Variants in CSTF3 observed in about 807,000 individuals in gnomAD.
The protein encoded by CSTF3 is CF-1 77 kDa subunit.
In CSTF3, 29 loss-of-function variants were observed where a neutral mutation model predicts 105.8. That is an observed-to-expected ratio of 0.27 (90% CI 0.20 to 0.37). The LOEUF (loss-of-function observed/expected upper bound fraction) is 0.37. CSTF3 is among the 10% of genes least tolerant of loss of function. CSTF3 has a pLI of 1.00. For synonymous variants in CSTF3, 252 were observed against 281.9 expected (o/e 0.89, Z 1.06); for missense variants, 357 against 879.3 (o/e 0.41, Z 7.51).
chr11:33,146,224 T>G (rs1468656804), intron 1 of CSTF3, among the ~76,000 whole-genome samples: 1 of 150,450 alleles, frequency 6.6e-6, no homozygotes. Flanking sequence ...GCCTGGGTAA[T>G]AGAGCAAGAC....
intron 1 of CSTF3, among the ~76,000 whole-genome samples, chr11:33,155,573 C>T (rs1251438033): frequency 6.6e-6 from 1 of 152,084 alleles, no homozygotes; most frequent in Non-Finnish European, 1.5e-5. Flanking sequence ...AGATTTAATA[C>T]ACTAAATAAA....
At chr11:33,106,196 G>C (rs1855324015) in intron 5 of CSTF3, 132 bp from the exon 6 acceptor site, 1 of 639,714 alleles carries the variant, frequency 1.6e-6, no homozygotes, top group Non-Finnish European at 2.7e-6. Context: ...GATCACTTGA[G>C]ACCAGGAATT....
rs181158092 is a variant in CSTF3, at chr11:33,111,285, G to A, written c.226-2867C>T. Among the ~76,000 whole-genome samples, 132 of 152,290 alleles carry A rather than the reference G, an allele frequency of 8.7e-4. 1 individual carries two copies. The highest frequency in any genetic ancestry group is 4.6e-3 in the South Asian group (22 of 4,824). ...AGGTAATTGTACAAGATTACTTACTGTAAACTTTGTAGTAGCAAAAACAGT... is the reference window on the plus strand; with the variant it reads ...AGGTAATTGTACAAGATTACTTACTATAAACTTTGTAGTAGCAAAAACAGT... On this transcript the variant is annotated intron_variant, in intron 3 of 20. Coordinates refer to ENST00000323959, the MANE Select transcript of CSTF3 (RefSeq NM_001326.3).
chr11:33,128,242 C>CTG (rs1381905213), intron 3 of CSTF3, among the ~76,000 whole-genome samples: 23 of 152,090 alleles, frequency 1.5e-4, no homozygotes, highest in African/African-American at 5.6e-4. Flanking sequence ...AGTGAAAACT[C>CTG]TGGCCAATTA....
chr11:33,159,005 C>A (rs1849901998), intron 1 of CSTF3, among the ~76,000 whole-genome samples: 1 of 152,022 alleles, frequency 6.6e-6, no homozygotes, highest in Non-Finnish European at 1.5e-5. Flanking sequence ...AAATCACATT[C>A]TTGGGACAAA....
intron 8 of CSTF3, among the ~76,000 whole-genome samples, chr11:33,105,220 G>A (rs1433505866): frequency 3.3e-5 from 5 of 152,182 alleles, no homozygotes; most frequent in Non-Finnish European, 7.3e-5. Context: ...TGAAAAAGGT[G>A]CACAGCAACC....
chr11:33,099,508 C>T lies in CSTF3; in HGVS notation c.936+100G>A, dbSNP rs984455757. On this transcript the variant is annotated intron_variant, in intron 11 of 20. Coordinates refer to ENST00000323959, the MANE Select transcript of CSTF3 (RefSeq NM_001326.3). This position sits in a 1 kb window ranked among gnomAD's most constrained non-coding sequence, Gnocchi z 4.1. The stretch of plus-strand genomic sequence containing the variant: ...TGAACGTAAACTTAAATTTTCAATA[C>T]TTATGCTTTATTACCAAAATTCAGT... 1.3e-5 allele frequency: 11 copies of T among 818,254 alleles called. No homozygotes were observed. Among genetic ancestry groups the T allele is most frequent in the Non-Finnish European group, 1.8e-5 (9 of 513,712 alleles). 50.7% of individuals were successfully genotyped at this position (818,254 alleles called of 1,614,324 possible). A position where few individuals can be genotyped will look rare whatever the true frequency, so the allele number is the denominator to read the frequency against.
chr11:33,097,871 T>C (rs1722244616), intron 13 of CSTF3, among the ~76,000 whole-genome samples: 1 of 152,178 alleles, frequency 6.6e-6, no homozygotes, highest in Non-Finnish European at 1.5e-5. Context: ...TTGCCCAGTA[T>C]TGATAATGTC....
Position 33,096,993 on chromosome 11 carries a change from G to T in CSTF3, c.1129-15C>A. 6.3e-7 allele frequency: 1 copy of T among 1,578,058 alleles called. No homozygotes were observed. On this transcript the variant is annotated splice_polypyrimidine_tract_variant and intron_variant, in intron 13 of 20. Transcript: ENST00000323959. Reference sequence around the variant, plus strand: ...TGGATATATACCTATGCAAAAGAAAGTATTTGTGTTCTATAAATTAGACAG... The same window carrying T: ...TGGATATATACCTATGCAAAAGAAATTATTTGTGTTCTATAAATTAGACAG...
intron 1 of CSTF3, among the ~76,000 whole-genome samples, chr11:33,145,397 A>C (rs1315944961): frequency 6.6e-6 from 1 of 151,934 alleles, no homozygotes. Context: ...CTGCACTCCA[A>C]ACTGGGTGAC....
intron 3 of CSTF3, among the ~76,000 whole-genome samples, chr11:33,121,686 G>A (rs1045245648): frequency 5.9e-5 from 9 of 152,154 alleles, no homozygotes; most frequent in African/African-American, 1.2e-4. Flanking sequence ...TCATTAAAAT[G>A]TAAAGACAGT....
chr11:33,107,870 G>T, intron 5 of CSTF3, 33 bp downstream of exon 5: 3 of 1,272,344 alleles, frequency 2.4e-6, no homozygotes, highest in South Asian at 2.5e-5. Flanking sequence ...GCCTGGAGAT[G>T]ACTTGCATTC....
intron 1 of CSTF3, among the ~76,000 whole-genome samples, chr11:33,155,661 G>A (rs1849856503): frequency 6.6e-6 from 1 of 152,048 alleles, no homozygotes; most frequent in African/African-American, 2.4e-5. Context: ...TATTTACTAT[G>A]TATCCTAAGT....
At chr11:33,135,834 G>A (rs1375793834) in intron 3 of CSTF3, among the ~76,000 whole-genome samples, 1 of 152,126 alleles carries the variant, frequency 6.6e-6, no homozygotes, top group African/African-American at 2.4e-5. Context: ...AACGTCAACA[G>A]TACATGCTAG....
rs747153835 is a variant in CSTF3 at position 33,090,640 on chromosome 11, T to C, written c.1533A>G (p.Ala511=). Residue 511 remains alanine, a synonymous_variant, in exon 17 of 21, where the codon GCA becomes GCG. Coordinates refer to ENST00000323959, the MANE Select transcript of CSTF3 (RefSeq NM_001326.3). Reference sequence around the variant, plus strand: ...CTTTCCCTTCATACTCTTCTTTGAATGCTGTAAACCGTCTTTTCTCCACTT... The same window carrying C: ...CTTTCCCTTCATACTCTTCTTTGAACGCTGTAAACCGTCTTTTCTCCACTT... The part of the protein sequence containing the change: ...ILKVEKRRFT[A]FKEEYEGKET... The C allele has an allele frequency of 1.9e-6, 3 of 1,612,618 alleles. No individual in the cohort carries two copies. The highest frequency in any genetic ancestry group is 2.2e-5 in the South Asian group (2 of 90,824).
At chr11:33,160,348 G>A (rs1849924047) in intron 1 of CSTF3, among the ~76,000 whole-genome samples, 1 of 152,102 alleles carries the variant, frequency 6.6e-6, no homozygotes, top group African/African-American at 2.4e-5. Flanking sequence ...CATCTTCCAC[G>A]TTATAAGCTA....
chr11:33,157,734 G>C (rs2133811799), intron 1 of CSTF3, among the ~76,000 whole-genome samples: 1 of 152,252 alleles, frequency 6.6e-6, no homozygotes, highest in South Asian at 2.1e-4. Flanking sequence ...ATAGTATCAG[G>C]TTTATTCTAC....
intron 10 of CSTF3, among the ~76,000 whole-genome samples, chr11:33,101,278 G>A (rs1291277174): frequency 6.6e-6 from 1 of 152,124 alleles, no homozygotes; most frequent in Non-Finnish European, 1.5e-5. Context: ...GGGCATAAAT[G>A]TTCTCAAATC....
chr11:33,123,541 G>A (rs1855513516), intron 3 of CSTF3, among the ~76,000 whole-genome samples: 1 of 152,020 alleles, frequency 6.6e-6, no homozygotes, highest in Non-Finnish European at 1.5e-5. Flanking sequence ...TACACAAATG[G>A]AAATGATATG....
Sources: gnomAD v4.1 joint callset for allele counts (sites outside exome capture counted in the v4.1 genomes callset) on GRCh38, gnomAD v4.1.1 for gene constraint, Gnocchi (gnomAD v3.1) non-coding constraint, MANE v1.5 for transcripts, NCBI Gene and HGNC (gene_info 2026-07-23, HGNC 2026-07-21) for gene names.